The following TAFA4 variants were observed in gnomAD, a reference collection of about 807,000 sequenced individuals.
The protein encoded by TAFA4 is TAFA chemokine like family member 4.
In TAFA4, 20 loss-of-function variants were observed where a neutral mutation model predicts 21.1. The observed-to-expected ratio is 0.95, with a 90% CI of 0.67 to 1.38. The LOEUF (loss-of-function observed/expected upper bound fraction) is 1.38, where lower values mean the gene tolerates loss of function less well. Among genes scored for constraint, TAFA4 ranks in the 40% most tolerant of loss-of-function variants. The pLI, the probability that TAFA4 is intolerant of heterozygous loss-of-function variation, is 0.00. For synonymous variants in TAFA4, 71 were observed against 67.4 expected (o/e 1.05, Z -0.26); for missense variants, 211 against 180.9 (o/e 1.17, Z -0.95).
rs535235406 is a variant in TAFA4 at position 68,849,768 on chromosome 3, C to A, written c.130+30962G>T. Among the ~76,000 whole-genome samples, 10 of 152,294 alleles carry A rather than the reference C, an allele frequency of 6.6e-5. No homozygotes were observed. In the South Asian group the frequency reaches 2.1e-3, roughly 32 times the overall value. Reference sequence around the variant, plus strand: ...GAACACCAGCCCTTTCACAAAACCCCAGCCTTCATTCACATTGTATCTTAC... The same window carrying A: ...GAACACCAGCCCTTTCACAAAACCCAAGCCTTCATTCACATTGTATCTTAC... On this transcript the variant is annotated intron_variant, in intron 3 of 5. Coordinates refer to ENST00000295569, the MANE Select transcript of TAFA4 (RefSeq NM_182522.5).
At chr3:68,799,491 T>A (rs190095299) in intron 3 of TAFA4, among the ~76,000 whole-genome samples, 26 of 152,254 alleles carry the variant, frequency 1.7e-4, no homozygotes, top group African/African-American at 6.3e-4. Flanking sequence ...TTTTGAGGGA[T>A]CCACAAACAT....
At chr3:68,755,602 T>A (rs1448112304) in intron 3 of TAFA4, among the ~76,000 whole-genome samples, 1 of 152,184 alleles carries the variant, frequency 6.6e-6, no homozygotes, top group Non-Finnish European at 1.5e-5. Flanking sequence ...TTGGTCTATA[T>A]GACCAAAAGC....
chr3:68,918,427 C>T lies in TAFA4; in HGVS notation c.-123+13813G>A, dbSNP rs535039395. 2.6e-5 allele frequency among the ~76,000 whole-genome samples: 4 copies of T among 152,314 alleles called. No individual in the cohort carries two copies. The South Asian group carries it at 8.3e-4, about 32-fold the overall frequency. ...ATCTTCTGCCTCTGTCATCCTCACT[C>T]AATCTACTTCTAAAAATGTCTTTCA... On this transcript the variant is annotated intron_variant, in intron 1 of 5. Transcript: ENST00000295569.
intron 3 of TAFA4, among the ~76,000 whole-genome samples, chr3:68,838,580 G>T (rs960713471): frequency 2.0e-5 from 3 of 152,134 alleles, no homozygotes; most frequent in Non-Finnish European, 4.4e-5. Context: ...TTCTGTGAAG[G>T]GCCAGACAGT....
At chr3:68,874,783 T>TAC (rs10574878) in intron 3 of TAFA4, among the ~76,000 whole-genome samples, 4,512 of 149,600 alleles carry the variant, frequency 0.03, 105 homozygotes, top group African/African-American at 0.073. Context: ...ACCCTTTCTT[T>TAC]ACACACACAC....
intron 3 of TAFA4, among the ~76,000 whole-genome samples, chr3:68,875,357 G>A (rs562299889): frequency 2.6e-5 from 4 of 152,090 alleles, no homozygotes; most frequent in Admixed American, 1.3e-4. Flanking sequence ...ATGGAATCTC[G>A]CTGCAGTGGG....
At chr3:68,734,501 T>G (rs955631417) in intron 5 of TAFA4, among the ~76,000 whole-genome samples, 4 of 152,088 alleles carry the variant, frequency 2.6e-5, no homozygotes, top group Non-Finnish European at 4.4e-5. Context: ...GCAAGGACTT[T>G]GGCCTTTTTC....
intron 5 of TAFA4, among the ~76,000 whole-genome samples, chr3:68,734,689 C>G (rs947281464): frequency 6.6e-6 from 1 of 152,094 alleles, no homozygotes; most frequent in Non-Finnish European, 1.5e-5. Context: ...GAGATTGTCT[C>G]CCTTTGCCTT....
At chr3:68,809,051 G>T (rs1349374602) in intron 3 of TAFA4, among the ~76,000 whole-genome samples, 7 of 152,190 alleles carry the variant, frequency 4.6e-5, no homozygotes, top group Non-Finnish European at 1.0e-4. Context: ...TGTCAATGAG[G>T]CAGAGAAGGG....
intron 3 of TAFA4, among the ~76,000 whole-genome samples, chr3:68,777,276 G>A (rs2171868): frequency 0.2 from 31,088 of 151,906 alleles, 4,064 homozygotes; most frequent in East Asian, 0.61. Flanking sequence ...TATACATAAG[G>A]CAGTATATTA....
At chr3:68,879,214 C>A (rs982512103) in intron 3 of TAFA4, among the ~76,000 whole-genome samples, 1 of 152,086 alleles carries the variant, frequency 6.6e-6, no homozygotes, top group African/African-American at 2.4e-5. Flanking sequence ...CTTGCTCCCG[C>A]TGTCAGACTT....
intron 5 of TAFA4, among the ~76,000 whole-genome samples, chr3:68,733,431 A>G (rs759596435): frequency 1.3e-5 from 2 of 152,208 alleles, no homozygotes; most frequent in Non-Finnish European, 1.5e-5. Context: ...AGGTACACTC[A>G]TCGCCCATCA....
In TAFA4 at chr3:68,815,767, G is replaced by A. The variant is rs562269583; in HGVS notation, c.131-62749C>T. 9.8e-5 allele frequency among the ~76,000 whole-genome samples: 15 copies of A among 152,308 alleles called. No individual in the cohort carries two copies. In the South Asian group the frequency reaches 2.9e-3, roughly 29 times the overall value. On this transcript the variant is annotated intron_variant, in intron 3 of 5. Transcript: ENST00000295569. ...GGAAGTCAGTGTGGCGATTCCTCAA[G>A]AATCTAGAACTAGAAATACCATTTG...
At chr3:68,779,719 T>C (rs926775471) in intron 3 of TAFA4, among the ~76,000 whole-genome samples, 2 of 152,228 alleles carry the variant, frequency 1.3e-5, no homozygotes, top group East Asian at 3.8e-4. Flanking sequence ...AACACCTGGA[T>C]GCCCAGGCAG....
At chr3:68,739,326 G>T (rs2106728632) in intron 4 of TAFA4, 127 bp from the exon 5 acceptor site, 1 of 1,138,856 alleles carries the variant, frequency 8.8e-7, no homozygotes. Context: ...TTGGTAAATT[G>T]AAGGAATCCA....
intron 3 of TAFA4, among the ~76,000 whole-genome samples, chr3:68,821,025 T>C (rs1704102657): frequency 6.6e-6 from 1 of 152,214 alleles, no homozygotes; most frequent in Non-Finnish European, 1.5e-5. Context: ...ACGGACTTAG[T>C]AGTATGGAAA....
intron 1 of TAFA4, among the ~76,000 whole-genome samples, chr3:68,916,779 T>C (rs1010292931): frequency 1.3e-5 from 2 of 152,196 alleles, no homozygotes; most frequent in Non-Finnish European, 2.9e-5. Context: ...GGTCACTTCA[T>C]AGCCCAAAAT....
At chr3:68,850,830 G>A (rs985061093) in intron 3 of TAFA4, among the ~76,000 whole-genome samples, 3 of 152,078 alleles carry the variant, frequency 2.0e-5, no homozygotes, top group Non-Finnish European at 1.5e-5. Flanking sequence ...CACTCTGTAG[G>A]TTGCCTGTTC....
At chr3:68,751,846 A>G (rs1324191635) in intron 4 of TAFA4, among the ~76,000 whole-genome samples, 2 of 152,234 alleles carry the variant, frequency 1.3e-5, no homozygotes, top group African/African-American at 4.8e-5. Flanking sequence ...TTACCCACAT[A>G]AAATATGAGC....
Sources: allele counts gnomAD v4.1 joint callset (sites outside exome capture counted in the v4.1 genomes callset), GRCh38; gene constraint gnomAD v4.1.1; transcripts MANE v1.5; gene names NCBI Gene and HGNC (gene_info 2026-07-23, HGNC 2026-07-21).